The following KCND2 variants were observed in gnomAD, a reference collection of about 807,000 sequenced individuals.
The protein encoded by KCND2 is potassium voltage-gated channel subfamily D member 2.
Under a neutral mutation model 54.4 loss-of-function variants are expected in KCND2, and 16 were observed. The observed-to-expected ratio is 0.29, with a 90% CI of 0.20 to 0.45. The LOEUF is 0.45. Ranked by LOEUF, KCND2 falls within the 20% of genes least tolerant of loss-of-function variation. The pLI, the probability that KCND2 is intolerant of heterozygous loss-of-function variation, is 1.00. For synonymous variants in KCND2, 317 were observed against 310.7 expected, an observed-to-expected ratio of 1.02 and a Z score of -0.21; for missense variants, 486 against 824.2, an observed-to-expected ratio of 0.59 and a Z score of 5.02.
intron 1 of KCND2, among the ~76,000 whole-genome samples, chr7:120,355,189 T>C (rs973693859): frequency 2.6e-5 from 4 of 152,170 alleles, no homozygotes; most frequent in Middle Eastern, 3.2e-3. Flanking sequence ...CTACACCTAA[T>C]CTACTGGCAT....
intron 1 of KCND2, among the ~76,000 whole-genome samples, chr7:120,498,722 C>A (rs1802888396): frequency 6.6e-6 from 1 of 152,046 alleles, no homozygotes; most frequent in South Asian, 2.1e-4. Flanking sequence ...TTGCAGTAAG[C>A]CAAGATCGTG....
chr7:120,353,084 T>C (rs543060784), intron 1 of KCND2, among the ~76,000 whole-genome samples: 16 of 151,556 alleles, frequency 1.1e-4, no homozygotes, highest in African/African-American at 3.9e-4. Flanking sequence ...TAATACTGTA[T>C]ATGAATTTCT....
chr7:120,347,365 A>G (rs1800335086), intron 1 of KCND2, among the ~76,000 whole-genome samples: 1 of 151,832 alleles, frequency 6.6e-6, no homozygotes, highest in Admixed American at 6.6e-5. Context: ...AAACTTCTGC[A>G]TCTGGGCATG....
At chr7:120,641,650 G>A (rs1793376994) in intron 1 of KCND2, among the ~76,000 whole-genome samples, 2 of 151,898 alleles carry the variant, frequency 1.3e-5, no homozygotes, top group Non-Finnish European at 2.9e-5. Context: ...ATGAAATGAA[G>A]TAGAGGAACT....
chr7:120,707,728 T>G (rs1792487637), intron 1 of KCND2, among the ~76,000 whole-genome samples: 1 of 151,996 alleles, frequency 6.6e-6, no homozygotes, highest in Non-Finnish European at 1.5e-5. Flanking sequence ...TGTTGAGGGA[T>G]GACAAGCAAG....
In KCND2 at chr7:120,488,425, C is replaced by T. The variant is rs1456864752; in HGVS notation, c.1115+212678C>T. ...TGTTTTCCATCCCTCTGCTTCAGGA[C>T]GAATGTGCTCTTGATTTGGAAAAAA... On this transcript the variant is annotated intron_variant, in intron 1 of 5. Transcript: ENST00000331113. Among the ~76,000 whole-genome samples, 6 of 152,000 alleles carry T rather than the reference C, an allele frequency of 3.9e-5. No individual in the cohort carries two copies. The South Asian group carries it at 8.3e-4, about 21-fold the overall frequency.
At position 120,531,506 on chromosome 7, in the gene KCND2, T is replaced by A. The variant is rs116654462; in HGVS notation, c.1116-201397T>A. On this transcript the variant is annotated intron_variant, in intron 1 of 5. Transcript: ENST00000331113. ...AAAACTTTCTGTAACACTCCCCATC[T>A]TAGAAAAGACCTCCTCAAATATTCT... Among the ~76,000 whole-genome samples, 1,251 of 152,210 alleles carry A rather than the reference T, an allele frequency of 8.2e-3. 19 individuals are homozygous for A. The highest frequency in any genetic ancestry group is 0.028 in the African/African-American group (1,167 of 41,548).
At chr7:120,399,731 T>TATTTATTTATTC (rs1801217167) in intron 1 of KCND2, among the ~76,000 whole-genome samples, 2 of 146,794 alleles carry the variant, frequency 1.4e-5, no homozygotes, top group African/African-American at 5.3e-5. Flanking sequence ...TTTATTTATT[T>TATTTATTTATTC]ATTTATTCAT....
intron 1 of KCND2, among the ~76,000 whole-genome samples, chr7:120,686,626 G>A (rs762433287): frequency 6.6e-6 from 1 of 152,128 alleles, no homozygotes; most frequent in Non-Finnish European, 1.5e-5. Context: ...TGAGAGATTC[G>A]AGTGCATGGT....
intron 1 of KCND2, among the ~76,000 whole-genome samples, chr7:120,441,110 T>C (rs1801939469): frequency 6.6e-6 from 1 of 152,134 alleles, no homozygotes; most frequent in African/African-American, 2.4e-5. Context: ...TTGGAAAAGA[T>C]GACTAGTTAA....
chr7:120,572,104 C>A (rs1792373250), intron 1 of KCND2, among the ~76,000 whole-genome samples: 1 of 151,564 alleles, frequency 6.6e-6, no homozygotes, highest in South Asian at 2.1e-4. Context: ...TTGCCTTGAT[C>A]CTTGCCATGT....
At chr7:120,336,263 C>T (rs1003784781) in intron 1 of KCND2, among the ~76,000 whole-genome samples, 18 of 152,268 alleles carry the variant, frequency 1.2e-4, no homozygotes, top group South Asian at 4.1e-4. Context: ...ATAATTACCC[C>T]GCTTTCGCAG....
At chr7:120,545,412 A>G (rs1792031179) in intron 1 of KCND2, among the ~76,000 whole-genome samples, 1 of 151,872 alleles carries the variant, frequency 6.6e-6, no homozygotes, top group Admixed American at 6.6e-5. Context: ...TTCAGAAATA[A>G]CAAAATGAGG....
At chr7:120,608,022 T>G (rs1440375133) in intron 1 of KCND2, among the ~76,000 whole-genome samples, 1 of 151,998 alleles carries the variant, frequency 6.6e-6, no homozygotes, top group East Asian at 1.9e-4. Flanking sequence ...GACTGTTTTT[T>G]TTTTTTCTGT....
intron 1 of KCND2, among the ~76,000 whole-genome samples, chr7:120,623,809 C>G (rs1042448203): frequency 1.3e-5 from 2 of 151,946 alleles, no homozygotes; most frequent in Admixed American, 1.3e-4. Context: ...TGAAGAATTA[C>G]AAAAATGTGA....
chr7:120,345,757 C>T (rs1468277590), intron 1 of KCND2, among the ~76,000 whole-genome samples: 1 of 152,172 alleles, frequency 6.6e-6, no homozygotes, highest in African/African-American at 2.4e-5. Flanking sequence ...TAGATGGACA[C>T]AGGGTTGCTT....
In KCND2 at chr7:120,720,179, C is replaced by T. The variant is rs143111212; in HGVS notation, c.1116-12724C>T. Among the ~76,000 whole-genome samples, 662 of 152,174 alleles carry T rather than the reference C, an allele frequency of 4.4e-3. 5 individuals are homozygous for T. Among genetic ancestry groups the T allele is most frequent in the African/African-American group, 0.015 (635 of 41,518 alleles). ...GGTCCATCTTACCCTTAGTTTTTAA[C>T]ATAATAAGTCTGATTTGCTCATGAT... On this transcript the variant is annotated intron_variant, in intron 1 of 5. Transcript: ENST00000331113.
chr7:120,628,049 A>T (rs546004552), intron 1 of KCND2, among the ~76,000 whole-genome samples: 1 of 152,320 alleles, frequency 6.6e-6, no homozygotes, highest in East Asian at 1.9e-4. Context: ...TTTAAAAAAA[A>T]TGCACATGTT....
intron 1 of KCND2, among the ~76,000 whole-genome samples, chr7:120,311,511 G>A (rs1478430137): frequency 6.6e-6 from 1 of 152,148 alleles, no homozygotes; most frequent in Admixed American, 6.5e-5. Context: ...TTTAATAAAA[G>A]CAATGACTAA....
Sources: allele counts gnomAD v4.1 joint callset (sites outside exome capture counted in the v4.1 genomes callset), GRCh38; gene constraint gnomAD v4.1.1; transcripts MANE v1.5; gene names NCBI Gene and HGNC (gene_info 2026-07-23, HGNC 2026-07-21).